Variants in LRFN2 observed in about 807,000 individuals in gnomAD.
LRFN2 encodes the protein leucine-rich repeat and fibronectin type-III domain-containing protein 2.
A neutral mutation model predicts 37.3 loss-of-function variants in LRFN2; 18 were observed. The ratio of observed to expected loss-of-function variants is 0.48; its 90% confidence interval spans 0.33 to 0.72. The LOEUF (loss-of-function observed/expected upper bound fraction) is 0.72. Among genes scored for constraint, LRFN2 ranks in the 30% least tolerant of loss-of-function variants. The pLI, the probability that LRFN2 is intolerant of heterozygous loss-of-function variation, is 0.02. For missense variants in LRFN2, 1,006 were observed against 1,060.7 expected, an observed-to-expected ratio of 0.95 and a Z score of 0.72; for synonymous variants, 556 against 466.6, an observed-to-expected ratio of 1.19 and a Z score of -2.47.
intron 2 of LRFN2, among the ~76,000 whole-genome samples, chr6:40,423,019 G>A (rs1393590093): frequency 6.6e-6 from 1 of 152,212 alleles, no homozygotes; most frequent in Non-Finnish European, 1.5e-5. Flanking sequence ...ATGCTCTGAA[G>A]CTTTTTGAAT....
chr6:40,577,108 C>CTTCTCTTCTCCTCT lies in LRFN2; in HGVS notation c.-19+9832_-19+9833insAGAGGAGAAGAGAA, dbSNP rs1554145947. Among the ~76,000 whole-genome samples, 72 of 104,642 alleles carry CTTCTCTTCTCCTCT rather than the reference C, an allele frequency of 6.9e-4. 8 individuals carry two copies. The highest frequency in any genetic ancestry group is 1.4e-3 in the African/African-American group (35 of 25,078). The allele number at this position is 104,642 out of a possible 152,430, so 68.6% of individuals were successfully genotyped here. A position where few individuals can be genotyped will look rare whatever the true frequency, so the allele number is the denominator to read the frequency against. ...CTTTTCTTTTCTTTTCTTTTCCTTTCTTTTCTTTTTAGATATGGAGTCTCG... is the reference window on the plus strand; with the variant it reads ...CTTTTCTTTTCTTTTCTTTTCCTTTCTTCTCTTCTCCTCTTTTTCTTTTTAGATATGGAGTCTCG... On this transcript the variant is annotated intron_variant, in intron 1 of 2. Transcript: ENST00000338305.
At chr6:40,513,185 T>C (rs911527511) in intron 1 of LRFN2, among the ~76,000 whole-genome samples, 4 of 151,996 alleles carry the variant, frequency 2.6e-5, no homozygotes, top group African/African-American at 7.2e-5. Context: ...TTTGAAGGAA[T>C]ATAGCAGAAC....
chr6:40,570,682 G>A (rs571632322), intron 1 of LRFN2, among the ~76,000 whole-genome samples: 1 of 152,356 alleles, frequency 6.6e-6, no homozygotes, highest in East Asian at 1.9e-4. Flanking sequence ...TTTAGAGTGG[G>A]AGTGGTCAGG....
intron 2 of LRFN2, among the ~76,000 whole-genome samples, chr6:40,412,961 A>G (rs1376626866): frequency 6.6e-6 from 1 of 152,142 alleles, no homozygotes; most frequent in African/African-American, 2.4e-5. Context: ...TGAACTTTTG[A>G]GGTGAGGGAG....
intron 2 of LRFN2, among the ~76,000 whole-genome samples, chr6:40,418,748 T>C (rs1196736646): frequency 6.6e-6 from 1 of 152,146 alleles, no homozygotes; most frequent in Non-Finnish European, 1.5e-5. Context: ...ATCTGTCAAG[T>C]GGCAATCATG....
At chr6:40,402,083 C>G (rs952637384) in intron 2 of LRFN2, among the ~76,000 whole-genome samples, 1 of 152,142 alleles carries the variant, frequency 6.6e-6, no homozygotes. Flanking sequence ...CCTGCGAGCC[C>G]CAAAGGGACC....
chr6:40,524,329 C>G (rs1686226755), intron 1 of LRFN2, among the ~76,000 whole-genome samples: 1 of 152,112 alleles, frequency 6.6e-6, no homozygotes. Context: ...CCTGCCTGCC[C>G]TGATAACTGA....
At chr6:40,444,001 G>A (rs565482315) in intron 1 of LRFN2, among the ~76,000 whole-genome samples, 68 of 152,286 alleles carry the variant, frequency 4.5e-4, no homozygotes, top group African/African-American at 1.6e-3. Flanking sequence ...GAATTAGCCT[G>A]TCTCTTTCAC....
Position 40,442,225 on chromosome 6 carries a change from C to T in LRFN2, c.-18-9094G>A, listed in dbSNP as rs374465609. 1.4e-3 allele frequency among the ~76,000 whole-genome samples: 219 copies of T among 152,304 alleles called. 2 individuals carry two copies. The highest frequency in any genetic ancestry group is 3.7e-3 in the Admixed American group (57 of 15,310). Reference sequence around the variant, plus strand: ...ATGAAGGGAGCAGTGGGGTGAATAACGCAAAGTGGCAGATAATCCTAAACT... The same window carrying T: ...ATGAAGGGAGCAGTGGGGTGAATAATGCAAAGTGGCAGATAATCCTAAACT... On this transcript the variant is annotated intron_variant, in intron 1 of 2. Transcript: ENST00000338305.
At chr6:40,582,443 C>G (rs1767421438) in intron 1 of LRFN2, among the ~76,000 whole-genome samples, 2 of 151,956 alleles carry the variant, frequency 1.3e-5, no homozygotes, top group Non-Finnish European at 2.9e-5. Context: ...CAATCCCAAG[C>G]AGGTTGATAA....
chr6:40,505,158 T>G lies in LRFN2; in HGVS notation c.-18-72027A>C, dbSNP rs1765500051. 2.0e-5 allele frequency among the ~76,000 whole-genome samples: 3 copies of G among 152,164 alleles called. No homozygotes were observed. In the South Asian group the frequency reaches 6.2e-4, roughly 31 times the overall value. On this transcript the variant is annotated intron_variant, in intron 1 of 2. Transcript: ENST00000338305. ...TTCTGGTTCAGGTGGGCATCTGTGA[T>G]TGTTTATAACCTGTCAGTGGGGTCT...
At chr6:40,446,376 C>T (rs929530152) in intron 1 of LRFN2, among the ~76,000 whole-genome samples, 5 of 152,234 alleles carry the variant, frequency 3.3e-5, no homozygotes, top group African/African-American at 1.2e-4. Context: ...CAGCCCTGCT[C>T]ACCTGTTATG....
intron 1 of LRFN2, among the ~76,000 whole-genome samples, chr6:40,495,649 C>A (rs1009893233): frequency 6.6e-6 from 1 of 152,144 alleles, no homozygotes; most frequent in Non-Finnish European, 1.5e-5. Context: ...TAGCACACAG[C>A]CATGTTGACT....
At chr6:40,542,452 T>A (rs541074095) in intron 1 of LRFN2, among the ~76,000 whole-genome samples, 1 of 151,994 alleles carries the variant, frequency 6.6e-6, no homozygotes, top group South Asian at 2.1e-4. Context: ...TGGCAGAGAC[T>A]TTCACAGTGA....
At chr6:40,512,703 C>T (rs574619143) in intron 1 of LRFN2, among the ~76,000 whole-genome samples, 79 of 152,282 alleles carry the variant, frequency 5.2e-4, no homozygotes, top group African/African-American at 1.8e-3. Context: ...CACCATAGAT[C>T]CCTGGATCCA....
intron 1 of LRFN2, among the ~76,000 whole-genome samples, chr6:40,483,879 C>G (rs1316975487): frequency 1.3e-5 from 2 of 152,172 alleles, no homozygotes; most frequent in African/African-American, 4.8e-5. Context: ...GTTCCAAGTT[C>G]AAGGTCACAC....
chr6:40,443,438 T>C (rs1262838629), intron 1 of LRFN2, among the ~76,000 whole-genome samples: 1 of 152,156 alleles, frequency 6.6e-6, no homozygotes, highest in African/African-American at 2.4e-5. Context: ...AGGGTCAGGA[T>C]GAGATACGGA....
chr6:40,485,779 A>G (rs1581741872), intron 1 of LRFN2, among the ~76,000 whole-genome samples: 1 of 152,218 alleles, frequency 6.6e-6, no homozygotes, highest in South Asian at 2.1e-4. Flanking sequence ...TCATGGGCTG[A>G]CCAGCCACGG....
At chr6:40,416,783 G>C (rs1763102437) in intron 2 of LRFN2, among the ~76,000 whole-genome samples, 1 of 152,122 alleles carries the variant, frequency 6.6e-6, no homozygotes, top group Non-Finnish European at 1.5e-5. Flanking sequence ...AGCATCCACT[G>C]TTCGCCAGTC....
Sources: gnomAD v4.1 joint callset for allele counts (sites outside exome capture counted in the v4.1 genomes callset) on GRCh38, gnomAD v4.1.1 for gene constraint, MANE v1.5 for transcripts, NCBI Gene and HGNC (gene_info 2026-07-23, HGNC 2026-07-21) for gene names.